The following EDA variants were observed in gnomAD, a reference collection of about 807,000 sequenced individuals.
The protein encoded by EDA is ectodysplasin A.
A neutral mutation model predicts 23.6 loss-of-function variants in EDA; 2 were observed. The ratio of observed to expected loss-of-function variants is 0.08; its 90% confidence interval spans 0.03 to 0.27. The LOEUF (loss-of-function observed/expected upper bound fraction) is 0.27, where lower values mean the gene tolerates loss of function less well. Ranked by LOEUF, EDA falls within the 10% of genes least tolerant of loss-of-function variation. EDA has a pLI of 1.00. For missense variants in EDA, 229 were observed against 324.2 expected, an observed-to-expected ratio of 0.71 and a Z score of 2.26; for synonymous variants, 131 against 132.0, an observed-to-expected ratio of 0.99 and a Z score of 0.05.
chrX:69,815,539 A>G (rs1437109047), intron 1 of EDA, among the ~76,000 whole-genome samples: 1 of 111,313 alleles, frequency 9.0e-6, no homozygotes, highest in Middle Eastern at 4.3e-3. Flanking sequence ...AGGGTCCCTC[A>G]CAGTGCAGCA....
chrX:69,930,445 GTATT>G (rs919150134), intron 1 of EDA, among the ~76,000 whole-genome samples: 10 of 108,620 alleles, frequency 9.2e-5, no homozygotes, highest in Non-Finnish European at 1.5e-4. Context: ...TGAAAACAAA[GTATT>G]TAACAAAATC....
At chrX:69,633,418 A>G (rs1174745516) in intron 1 of EDA, among the ~76,000 whole-genome samples, 1 of 112,175 alleles carries the variant, frequency 8.9e-6, no homozygotes, top group Non-Finnish European at 1.9e-5. Flanking sequence ...AGTTTTTAGT[A>G]TATTCACAGA....
At chrX:69,670,294 G>T in intron 1 of EDA, 1 of 304,522 alleles carries the variant, frequency 3.3e-6, no homozygotes, top group Non-Finnish European at 5.6e-6. Flanking sequence ...ATATTCCTTT[G>T]TATGTGACTT....
intron 1 of EDA, among the ~76,000 whole-genome samples, chrX:69,851,237 G>T (rs1331732045): frequency 9.1e-6 from 1 of 110,027 alleles, no homozygotes; most frequent in Admixed American, 9.8e-5. Context: ...GATATCTTTT[G>T]AATGTTGGCA....
chrX:69,988,093 G>T (rs1189135334), intron 2 of EDA, among the ~76,000 whole-genome samples: 1 of 112,336 alleles, frequency 8.9e-6, no homozygotes, highest in African/African-American at 3.2e-5. Flanking sequence ...GACTGAACAA[G>T]GAACTGCATG....
At chrX:69,967,038 A>C (rs1315396899) in intron 2 of EDA, among the ~76,000 whole-genome samples, 3 of 110,273 alleles carry the variant, frequency 2.7e-5, no homozygotes, top group Non-Finnish European at 3.8e-5. Flanking sequence ...AATATCGATT[A>C]CCTTGGGTGG....
intron 1 of EDA, among the ~76,000 whole-genome samples, chrX:69,724,325 TC>T (rs1337198926): frequency 8.9e-6 from 1 of 111,959 alleles, no homozygotes; most frequent in East Asian, 2.8e-4. Flanking sequence ...TTGACCCTTT[TC>T]CACGCTTTCC....
At chrX:69,974,939 G>A (rs1416177559) in intron 2 of EDA, among the ~76,000 whole-genome samples, 1 of 111,755 alleles carries the variant, frequency 8.9e-6, no homozygotes, top group Non-Finnish European at 1.9e-5. Context: ...AGTCAGAATG[G>A]CTTTTATTAA....
In EDA at chrX:70,011,741, C is replaced by T. The variant is rs899355975; in HGVS notation, c.503-11477C>T. Reference sequence around the variant, plus strand: ...AAGGCCGATCTACTAGCAACAAGCTCCTTCTTTTTTGTTTGTCTGAGGAAG... The same window carrying T: ...AAGGCCGATCTACTAGCAACAAGCTTCTTCTTTTTTGTTTGTCTGAGGAAG... On this transcript the variant is annotated intron_variant, in intron 2 of 7. Transcript: ENST00000374552. 2.7e-5 allele frequency among the ~76,000 whole-genome samples: 3 copies of T among 111,612 alleles called. No individual in the cohort carries two copies. The East Asian group carries it at 8.4e-4, about 31-fold the overall frequency.
chrX:69,725,482 C>A (rs931943476), intron 1 of EDA, among the ~76,000 whole-genome samples: 7 of 112,172 alleles, frequency 6.2e-5, no homozygotes, highest in Non-Finnish European at 1.3e-4. Context: ...TTTCATTCTC[C>A]CATGTAGCAT....
intron 2 of EDA, among the ~76,000 whole-genome samples, chrX:69,988,305 ATAGT>A (rs1207338839): frequency 8.9e-6 from 1 of 112,114 alleles, no homozygotes; most frequent in Non-Finnish European, 1.9e-5. Context: ...GGTACAAAAA[ATAGT>A]TAGAAGAATA....
At chrX:69,850,643 G>A (rs778866129) in intron 1 of EDA, among the ~76,000 whole-genome samples, 1 of 111,872 alleles carries the variant, frequency 8.9e-6, no homozygotes, top group African/African-American at 3.3e-5. Context: ...GTCATTGGGA[G>A]GGATCATGTT....
At chrX:69,925,602 C>T (rs1429654108) in intron 1 of EDA, among the ~76,000 whole-genome samples, 1 of 110,438 alleles carries the variant, frequency 9.1e-6, no homozygotes, top group Non-Finnish European at 1.9e-5. Flanking sequence ...GGAATATTGG[C>T]CTGAAGTTTT....
chrX:69,712,120 T>C (rs1249640989), intron 1 of EDA, among the ~76,000 whole-genome samples: 45 of 111,228 alleles, frequency 4.0e-4, no homozygotes, highest in African/African-American at 1.3e-3. Context: ...CTGCTTTCTC[T>C]TGTGGGCATT....
intron 1 of EDA, chrX:69,620,269 G>T (rs775290971): frequency 8.9e-6 from 1 of 112,406 alleles, no homozygotes; most frequent in East Asian, 2.8e-4. Context: ...TCAACTCATT[G>T]TCTCAAGTAA....
At chrX:69,782,172 G>T (rs2014964395) in intron 1 of EDA, among the ~76,000 whole-genome samples, 1 of 109,356 alleles carries the variant, frequency 9.1e-6, no homozygotes, top group African/African-American at 3.3e-5. Flanking sequence ...TACAGATATG[G>T]AAAGCTGGTA....
At chrX:69,626,565 T>A (rs1283162251) in intron 1 of EDA, among the ~76,000 whole-genome samples, 1 of 112,070 alleles carries the variant, frequency 8.9e-6, no homozygotes, top group African/African-American at 3.2e-5. Flanking sequence ...CATTGTATGA[T>A]TCCATTTATA....
chrX:69,766,562 G>A lies in EDA; in HGVS notation c.396+149858G>A, dbSNP rs189428549. 4.4e-3 allele frequency among the ~76,000 whole-genome samples: 487 copies of A among 111,614 alleles called. 2 individuals carry two copies. The highest frequency in any genetic ancestry group is 0.015 in the African/African-American group (462 of 30,734). On this transcript the variant is annotated intron_variant, in intron 1 of 7. Transcript: ENST00000374552. Reference sequence around the variant, plus strand: ...GTAGTATTTGGTTTTCTGCTCCTGCGTTAGTTTGCTAAGGATAATGGCTTC... The same window carrying A: ...GTAGTATTTGGTTTTCTGCTCCTGCATTAGTTTGCTAAGGATAATGGCTTC...
In EDA at chrX:70,039,386, A is replaced by G. The variant is rs921490109; in HGVS notation, c.*3777A>G. ...GAGATACTGTGTATATAAACTATAT[A>G]TAATGTATATAAACTGGGATGTAAG... On this transcript the variant is annotated 3_prime_UTR_variant, in exon 8 of 8. Coordinates refer to ENST00000374552, the MANE Select transcript of EDA (RefSeq NM_001399.5). 6 of 112,060 alleles carry G rather than the reference A, an allele frequency of 5.4e-5. No homozygotes were observed. Among genetic ancestry groups the G allele is most frequent in the Non-Finnish European group, 1.1e-4 (6 of 53,239 alleles). The allele number at this position is 112,060 out of a possible 1,213,427, so 9.2% of individuals were successfully genotyped here.
Sources: allele counts gnomAD v4.1 joint callset (sites outside exome capture counted in the v4.1 genomes callset), GRCh38; gene constraint gnomAD v4.1.1; transcripts MANE v1.5; gene names NCBI Gene and HGNC (gene_info 2026-07-23, HGNC 2026-07-21).